ATRNL1: variants seen among roughly 807,000 people sequenced by gnomAD.
The protein encoded by ATRNL1 is attractin like 1, also known as attractin-like protein 1.
A neutral mutation model predicts 182.7 loss-of-function variants in ATRNL1; 95 were observed. That is an observed-to-expected ratio of 0.52 (90% confidence interval 0.44 to 0.62). The LOEUF (loss-of-function observed/expected upper bound fraction) is 0.62, where lower values mean the gene tolerates loss of function less well. ATRNL1 is among the 20% of genes least tolerant of loss of function. ATRNL1 has a pLI of 0.00. For missense variants in ATRNL1, 1,471 were observed against 1,679.5 expected (o/e 0.88, Z 2.17); for synonymous variants, 576 against 568.3 (o/e 1.01, Z -0.19).
chr10:115,521,342 G>A (rs1397766574), intron 25 of ATRNL1, among the ~76,000 whole-genome samples: 7 of 152,146 alleles, frequency 4.6e-5, no homozygotes, highest in East Asian at 3.9e-4. Context: ...TAGTAGATAC[G>A]GGGTTTCACC....
intron 26 of ATRNL1, among the ~76,000 whole-genome samples, chr10:115,629,113 G>A (rs1858314285): frequency 6.6e-6 from 1 of 151,852 alleles, no homozygotes; most frequent in African/African-American, 2.4e-5. Context: ...TAGGAATTGG[G>A]CATTATCCAC....
At chr10:115,349,893 C>A (rs1008310143) in intron 19 of ATRNL1, among the ~76,000 whole-genome samples, 2 of 152,104 alleles carry the variant, frequency 1.3e-5, no homozygotes, top group Non-Finnish European at 2.9e-5. Context: ...ACTTTCTCCC[C>A]ATTCTGTAGG....
intron 20 of ATRNL1, among the ~76,000 whole-genome samples, chr10:115,419,190 C>T (rs1178697505): frequency 1.3e-5 from 2 of 151,942 alleles, no homozygotes; most frequent in Admixed American, 1.3e-4. Flanking sequence ...CCTTTGCGAT[C>T]AAAATTAAGT....
intron 26 of ATRNL1, among the ~76,000 whole-genome samples, chr10:115,663,446 C>T (rs1233047876): frequency 1.3e-5 from 2 of 151,830 alleles, no homozygotes; most frequent in Admixed American, 1.3e-4. Flanking sequence ...ATATGTGGTA[C>T]CTGTTACTGT....
intron 9 of ATRNL1, among the ~76,000 whole-genome samples, chr10:115,234,877 G>A (rs79766193): frequency 0.011 from 1,728 of 152,102 alleles, 29 homozygotes; most frequent in African/African-American, 0.039. Flanking sequence ...GTATGAGCCG[G>A]ATTTGATTTC....
intron 24 of ATRNL1, among the ~76,000 whole-genome samples, chr10:115,498,080 G>C (rs1335322185): frequency 2.0e-5 from 3 of 152,094 alleles, no homozygotes; most frequent in African/African-American, 7.2e-5. Flanking sequence ...ATCTGAATTT[G>C]ACTAGTGCTC....
intron 19 of ATRNL1, among the ~76,000 whole-genome samples, chr10:115,350,459 GAGTT>G (rs1856195196): frequency 6.6e-6 from 1 of 151,238 alleles, no homozygotes; most frequent in Non-Finnish European, 1.5e-5. Context: ...TATATCTTGA[GAGTT>G]AGGGGGTCTA....
intron 26 of ATRNL1, among the ~76,000 whole-genome samples, chr10:115,601,191 T>G (rs1193103848): frequency 1.3e-5 from 2 of 152,160 alleles, no homozygotes; most frequent in Non-Finnish European, 2.9e-5. Context: ...TCCAAATATA[T>G]TTCTGCTTTT....
intron 28 of ATRNL1, among the ~76,000 whole-genome samples, chr10:115,912,558 G>A (rs1294077765): frequency 6.6e-6 from 1 of 151,854 alleles, no homozygotes; most frequent in Admixed American, 6.6e-5. Flanking sequence ...TCATATTCAG[G>A]TTCAGTAATT....
At chr10:115,883,373 A>T (rs1244819864) in intron 28 of ATRNL1, among the ~76,000 whole-genome samples, 5 of 152,228 alleles carry the variant, frequency 3.3e-5, no homozygotes, top group African/African-American at 1.2e-4. Context: ...GGACAATCCT[A>T]TCTTTAGATA....
At chr10:115,701,101 C>T (rs1209201873) in intron 26 of ATRNL1, among the ~76,000 whole-genome samples, 1 of 151,962 alleles carries the variant, frequency 6.6e-6, no homozygotes. Flanking sequence ...AATATAACAA[C>T]CATACCCTCA....
chr10:115,102,816 T>C (rs1355273160), intron 1 of ATRNL1, among the ~76,000 whole-genome samples: 6 of 152,220 alleles, frequency 3.9e-5, no homozygotes, highest in African/African-American at 1.4e-4. Flanking sequence ...TTGTTTTTCA[T>C]ATACATTTTA....
At chr10:115,099,868 G>A (rs782734317) in intron 1 of ATRNL1, among the ~76,000 whole-genome samples, 10 of 152,066 alleles carry the variant, frequency 6.6e-5, no homozygotes, top group East Asian at 1.9e-4. Context: ...ACCAGTCTGC[G>A]GCTTGTCTAT....
intron 19 of ATRNL1, among the ~76,000 whole-genome samples, chr10:115,378,299 G>T (rs1348910345): frequency 2.6e-5 from 4 of 152,110 alleles, no homozygotes; most frequent in African/African-American, 9.7e-5. Context: ...TAACAGACAC[G>T]CCCATCTGTA....
At chr10:115,433,880 A>G (rs147702377) in intron 21 of ATRNL1, among the ~76,000 whole-genome samples, 1,922 of 152,284 alleles carry the variant, frequency 0.013, 114 homozygotes, top group Admixed American at 0.1. Flanking sequence ...AAGGAAGGAA[A>G]TAAAAATGTC....
intron 25 of ATRNL1, among the ~76,000 whole-genome samples, chr10:115,537,650 G>A (rs782495360): frequency 1.3e-5 from 2 of 151,968 alleles, no homozygotes; most frequent in African/African-American, 2.4e-5. Flanking sequence ...ATTGTTAGAG[G>A]GGGCAGTGGT....
chr10:115,533,150 T>C (rs564072521), intron 25 of ATRNL1, among the ~76,000 whole-genome samples: 2 of 152,306 alleles, frequency 1.3e-5, no homozygotes, highest in African/African-American at 4.8e-5. Flanking sequence ...TCTTTTTCTA[T>C]TGATTGGAAT....
At chr10:115,603,357 A>G (rs532513688) in intron 26 of ATRNL1, among the ~76,000 whole-genome samples, 123 of 152,266 alleles carry the variant, frequency 8.1e-4, no homozygotes, top group African/African-American at 2.8e-3. Flanking sequence ...TAGGGGCTTT[A>G]CATTAAGAGA....
chr10:115,910,267 G>A (rs2134519908), intron 28 of ATRNL1, among the ~76,000 whole-genome samples: 1 of 152,302 alleles, frequency 6.6e-6, no homozygotes, highest in East Asian at 1.9e-4. Context: ...TGCACTCTTG[G>A]TCTTGATACC....
Sources: gnomAD v4.1 joint callset for allele counts (sites outside exome capture counted in the v4.1 genomes callset) on GRCh38, gnomAD v4.1.1 for gene constraint, MANE v1.5 for transcripts, NCBI Gene and HGNC (gene_info 2026-07-23, HGNC 2026-07-21) for gene names.